The following SMAD2 variants were observed in gnomAD, a reference collection of about 807,000 sequenced individuals.
SMAD2 encodes SMAD family member 2, also known as MAD homolog 2.
A neutral mutation model predicts 64.4 loss-of-function variants in SMAD2; 8 were observed. That is an observed-to-expected ratio of 0.12 (90% CI 0.07 to 0.22). The LOEUF is 0.22. Ranked by LOEUF, SMAD2 falls within the 10% of genes least tolerant of loss-of-function variation. The probability of loss-of-function intolerance (pLI) is 1.00; values close to 1 mark genes in which losing one functional copy is unlikely to be tolerated. For synonymous variants in SMAD2, 203 were observed against 195.8 expected (o/e 1.04, Z -0.31); for missense variants, 289 against 561.2 (o/e 0.51, Z 4.90).
rs1269196746 is a variant in SMAD2, at chr18:47,809,424, C to T, written c.*32403G>A. 1 of 152,312 alleles carries T rather than the reference C, an allele frequency of 6.6e-6. No homozygotes were observed. The highest frequency in any genetic ancestry group is 1.5e-5 in the Non-Finnish European group (1 of 68,144). 9.4% of individuals were successfully genotyped at this position (152,312 alleles called of 1,614,324 possible). ...TGGAACCAGGTAGAGATAAGGATAA[C>T]CTGTGGGGGAATTGTGAAGTAGACT... On this transcript the variant is annotated 3_prime_UTR_variant, in exon 11 of 11. Coordinates refer to ENST00000262160, the MANE Select transcript of SMAD2 (RefSeq NM_005901.6).
intron 1 of SMAD2, among the ~76,000 whole-genome samples, chr18:47,905,973 A>T (rs948519870): frequency 7.9e-5 from 12 of 151,946 alleles, no homozygotes; most frequent in African/African-American, 2.9e-4. Context: ...TACAAAAAAA[A>T]TAGCTGGGCG....
At position 47,811,354 on chromosome 18, in the gene SMAD2, C is replaced by T. The variant is rs1912194732; in HGVS notation, c.*30473G>A. ...GCGTGGCGGCGTGCACCTATAGTCC[C>T]AGCTGCTGGGGAGGCTGAGGGAGGA... On this transcript the variant is annotated 3_prime_UTR_variant, in exon 11 of 11. Coordinates refer to ENST00000262160, the MANE Select transcript of SMAD2 (RefSeq NM_005901.6). 1 of 151,646 alleles carries T rather than the reference C, an allele frequency of 6.6e-6. No individual in the cohort carries two copies. Among genetic ancestry groups the T allele is most frequent in the African/African-American group, 2.4e-5 (1 of 41,196 alleles). 9.4% of individuals were successfully genotyped at this position (151,646 alleles called of 1,614,324 possible). A position where few individuals can be genotyped will look rare whatever the true frequency, so the allele number is the denominator to read the frequency against.
intron 1 of SMAD2, among the ~76,000 whole-genome samples, chr18:47,897,901 C>A (rs2144480133): frequency 6.6e-6 from 1 of 152,086 alleles, no homozygotes; most frequent in East Asian, 1.9e-4. Context: ...GTTCAATTTG[C>A]CATATTTAAT....
intron 8 of SMAD2, among the ~76,000 whole-genome samples, chr18:47,846,524 C>T (rs1159790094): frequency 6.6e-6 from 1 of 152,128 alleles, no homozygotes. Context: ...ATCAGTTAAC[C>T]TTAATCAGGC....
At chr18:47,864,228 G>A (rs1483301500) in intron 6 of SMAD2, among the ~76,000 whole-genome samples, 1 of 152,088 alleles carries the variant, frequency 6.6e-6, no homozygotes, top group African/African-American at 2.4e-5. Flanking sequence ...ACACCCAAAT[G>A]TATGATTAGC....
At position 47,815,635 on chromosome 18, in the gene SMAD2, G is replaced by A. The variant is rs1912340595; in HGVS notation, c.*26192C>T. On this transcript the variant is annotated 3_prime_UTR_variant, in exon 11 of 11. Coordinates refer to ENST00000262160, the MANE Select transcript of SMAD2 (RefSeq NM_005901.6). ...ATAAGACATCACTTCCTCCAAGTCT[G>A]AGTACAGCACGCAAGGGCAACTGCA... is the stretch of plus-strand genomic sequence containing the variant. 1 of 152,220 alleles carries A rather than the reference G, an allele frequency of 6.6e-6. No homozygotes were observed. Among genetic ancestry groups the A allele is most frequent in the Non-Finnish European group, 1.5e-5 (1 of 68,040 alleles). 9.4% of individuals were successfully genotyped at this position (152,220 alleles called of 1,614,324 possible). A position where few individuals can be genotyped will look rare whatever the true frequency, so the allele number is the denominator to read the frequency against.
intron 6 of SMAD2, among the ~76,000 whole-genome samples, chr18:47,863,040 T>C (rs1347820986): frequency 1.3e-5 from 2 of 152,142 alleles, no homozygotes; most frequent in Non-Finnish European, 2.9e-5. Context: ...TTACTTATTA[T>C]GCCTAATTTA....
chr18:47,900,954 T>C (rs1284518851), intron 1 of SMAD2, among the ~76,000 whole-genome samples: 2 of 152,196 alleles, frequency 1.3e-5, no homozygotes, highest in South Asian at 2.1e-4. Flanking sequence ...TCAATGATAT[T>C]TGCTGAGGCT....
chr18:47,923,050 T>A (rs1406185392), intron 1 of SMAD2, among the ~76,000 whole-genome samples: 1 of 104,580 alleles, frequency 9.6e-6, no homozygotes, highest in Non-Finnish European at 1.8e-5. Flanking sequence ...GTAAAGAGAC[T>A]ACTTATTTTT....
intron 8 of SMAD2, among the ~76,000 whole-genome samples, chr18:47,847,675 A>ATT (rs1341058003): frequency 6.7e-6 from 1 of 150,108 alleles, no homozygotes; most frequent in African/African-American, 2.5e-5. Context: ...ATTTTTGTCT[A>ATT]TGAAAAACAA....
chr18:47,833,512 A>T lies in SMAD2; in HGVS notation c.*8315T>A, dbSNP rs2144257053. 4.3e-6 allele frequency: 1 copy of T among 230,230 alleles called. No homozygotes were observed. The highest frequency in any genetic ancestry group is 2.2e-5 in the African/African-American group (1 of 45,274). The allele number at this position is 230,230 out of a possible 1,614,324, so 14.3% of individuals were successfully genotyped here. ...CAGTGCACCAAGGATGCAGCCACTA[A>T]GGACTTCCAGAGGGAAACAAGAACA... is the stretch of plus-strand genomic sequence containing the variant. On this transcript the variant is annotated 3_prime_UTR_variant, in exon 11 of 11. Transcript: ENST00000262160.
chr18:47,865,391 T>C (rs1252064143), intron 5 of SMAD2, among the ~76,000 whole-genome samples: 2 of 152,204 alleles, frequency 1.3e-5, no homozygotes, highest in African/African-American at 2.4e-5. Flanking sequence ...CTCATTCCTA[T>C]ATGTACATAT....
At chr18:47,929,926 TTG>T (rs1288740634) in intron 1 of SMAD2, among the ~76,000 whole-genome samples, 4 of 152,070 alleles carry the variant, frequency 2.6e-5, no homozygotes, top group Non-Finnish European at 5.9e-5. Flanking sequence ...GTGTGCGTGT[TTG>T]TGAGTACACA....
chr18:47,861,159 C>T (rs1341941389), intron 6 of SMAD2, among the ~76,000 whole-genome samples: 1 of 152,088 alleles, frequency 6.6e-6, no homozygotes, highest in Non-Finnish European at 1.5e-5. Flanking sequence ...AGTTCGAGAC[C>T]AGCCTGACCA....
intron 1 of SMAD2, among the ~76,000 whole-genome samples, chr18:47,903,010 T>A (rs757108376): frequency 9.9e-5 from 15 of 152,124 alleles, no homozygotes; most frequent in Non-Finnish European, 2.2e-4. Context: ...GCAAAAAGTA[T>A]GTCAAAGCTT....
intron 6 of SMAD2, among the ~76,000 whole-genome samples, chr18:47,858,614 T>C (rs1289253330): frequency 1.3e-5 from 2 of 152,160 alleles, no homozygotes; most frequent in African/African-American, 2.4e-5. Flanking sequence ...TACATGTCAA[T>C]AATAGTACAA....
chr18:47,844,165 T>C (rs1012650325), intron 10 of SMAD2, among the ~76,000 whole-genome samples: 5 of 151,938 alleles, frequency 3.3e-5, no homozygotes, highest in African/African-American at 1.2e-4. Flanking sequence ...CAGAAAAAAA[T>C]AGTGACAAGT....
At position 47,831,897 on chromosome 18, in the gene SMAD2, T is replaced by G. The variant is rs1913009675; in HGVS notation, c.*9930A>C. On this transcript the variant is annotated 3_prime_UTR_variant, in exon 11 of 11. Transcript: ENST00000262160. ...TTTTCTATTCCTTTATTTGTAAACT[T>G]ATAATTTTTAGGTTGGGCTTACTAT... 1 of 135,032 alleles carries G rather than the reference T, an allele frequency of 7.4e-6. No homozygotes were observed. Among genetic ancestry groups the G allele is most frequent in the Non-Finnish European group, 1.6e-5 (1 of 63,228 alleles). The allele number at this position is 135,032 out of a possible 1,614,324, so 8.4% of individuals were successfully genotyped here. A position where few individuals can be genotyped will look rare whatever the true frequency, so the allele number is the denominator to read the frequency against.
chr18:47,922,002 C>T (rs544679723), intron 1 of SMAD2, among the ~76,000 whole-genome samples: 14 of 152,134 alleles, frequency 9.2e-5, no homozygotes, highest in Non-Finnish European at 2.1e-4. Flanking sequence ...CTAAACTTGA[C>T]AGTTCATCCG....
Sources: gnomAD v4.1 joint callset for allele counts (sites outside exome capture counted in the v4.1 genomes callset) on GRCh38, gnomAD v4.1.1 for gene constraint, MANE v1.5 for transcripts, NCBI Gene and HGNC (gene_info 2026-07-23, HGNC 2026-07-21) for gene names.